Variants in PIR observed in about 807,000 individuals in gnomAD.
The protein encoded by PIR is pirin (iron-binding nuclear protein).
In PIR, 22 loss-of-function variants were observed where a neutral mutation model predicts 24.2. That is an observed-to-expected ratio of 0.91 (90% confidence interval 0.65 to 1.30). PIR has a LOEUF of 1.30. PIR is among the 50% of genes most tolerant of loss of function. PIR has a pLI of 0.00. For synonymous variants in PIR, 80 were observed against 79.6 expected (o/e 1.00, Z -0.03); for missense variants, 220 against 220.3 (o/e 1.00, Z 0.01).
chrX:15,426,550 C>T (rs1007045183), intron 5 of PIR, among the ~76,000 whole-genome samples: 2 of 112,003 alleles, frequency 1.8e-5, no homozygotes, highest in African/African-American at 3.2e-5. Context: ...ACTTTTATTC[C>T]ATCAAGAGTT....
intron 5 of PIR, among the ~76,000 whole-genome samples, chrX:15,432,951 G>A (rs2147038412): frequency 8.9e-6 from 1 of 112,597 alleles, no homozygotes; most frequent in East Asian, 2.8e-4. Context: ...GAGTGATAAT[G>A]CCATTTATTA....
At chrX:15,387,039 C>T (rs1221236764) in intron 9 of PIR, among the ~76,000 whole-genome samples, 1 of 91,324 alleles carries the variant, frequency 1.1e-5, no homozygotes, top group African/African-American at 4.1e-5. Flanking sequence ...GTGTTCAGTT[C>T]TGGATATTTT....
chrX:15,386,924 G>A (rs1402354791), intron 9 of PIR, among the ~76,000 whole-genome samples: 1 of 109,911 alleles, frequency 9.1e-6, no homozygotes, highest in Admixed American at 9.7e-5. Flanking sequence ...GAAGACTTTG[G>A]CATCAAGGTA....
chrX:15,443,546 A>C (rs1415079933), intron 5 of PIR, among the ~76,000 whole-genome samples: 1 of 111,675 alleles, frequency 9.0e-6, no homozygotes, highest in African/African-American at 3.3e-5. Flanking sequence ...TCATCAATTA[A>C]TTATTTTATT....
chrX:15,464,198 A>C (rs1466351962), intron 3 of PIR: 1 of 113,474 alleles, frequency 8.8e-6, no homozygotes, highest in East Asian at 2.8e-4. Flanking sequence ...AAATGGACTC[A>C]TTTAAATAAA....
intron 5 of PIR, among the ~76,000 whole-genome samples, chrX:15,442,302 A>G (rs1925941777): frequency 9.0e-6 from 1 of 111,271 alleles, no homozygotes; most frequent in Admixed American, 9.6e-5. Flanking sequence ...GACATAAGAC[A>G]CATCGAACTT....
chrX:15,489,846 C>T (rs1337825965), intron 2 of PIR, among the ~76,000 whole-genome samples: 1 of 111,568 alleles, frequency 9.0e-6, no homozygotes, highest in Non-Finnish European at 1.9e-5. Context: ...TGCATGATCT[C>T]ACTCATATGC....
chrX:15,389,774 C>A (rs1172589080), intron 9 of PIR, among the ~76,000 whole-genome samples: 1 of 110,946 alleles, frequency 9.0e-6, no homozygotes, highest in Non-Finnish European at 1.9e-5. Flanking sequence ...CTAAGAGTTT[C>A]ATATTTTTTA....
In PIR at chrX:15,456,440, A is replaced by G. The variant is rs779647037; in HGVS notation, c.274-386T>C. ...GATTGGGCAGGGGGAGAAGCTCCCC[A>G]GCAATGCAGTTACTACAGAGGCTTT... On this transcript the variant is annotated intron_variant, in intron 4 of 9. Coordinates refer to ENST00000380420, the MANE Select transcript of PIR (RefSeq NM_001018109.3). 4.4e-5 allele frequency among the ~76,000 whole-genome samples: 5 copies of G among 112,729 alleles called. No individual in the cohort carries two copies. The South Asian group carries it at 1.8e-3, about 41-fold the overall frequency.
At chrX:15,470,867 T>C (rs1388845562) in intron 3 of PIR, among the ~76,000 whole-genome samples, 1 of 111,677 alleles carries the variant, frequency 9.0e-6, no homozygotes, top group African/African-American at 3.3e-5. Flanking sequence ...CCTCCAAAAG[T>C]GCTGGGATTA....
At chrX:15,385,173 T>C (rs1266822258) in intron 9 of PIR, 57 bp from the exon 10 acceptor site, 3 of 555,317 alleles carry the variant, frequency 5.4e-6, no homozygotes, top group Non-Finnish European at 9.1e-6. Flanking sequence ...CCTCTACCAC[T>C]AGAAATGATA....
chrX:15,462,562 C>A (rs778844698), intron 3 of PIR, among the ~76,000 whole-genome samples: 1 of 112,421 alleles, frequency 8.9e-6, no homozygotes, highest in African/African-American at 3.2e-5. Context: ...CAAAATTGTT[C>A]TTTCCTCCTC....
intron 3 of PIR, among the ~76,000 whole-genome samples, chrX:15,471,508 C>T (rs760856593): frequency 1.8e-5 from 2 of 111,708 alleles, no homozygotes; most frequent in Non-Finnish European, 1.9e-5. Flanking sequence ...AATAATGGCC[C>T]AACCTAAAAT....
At chrX:15,446,522 T>C (rs1411481342) in intron 5 of PIR, among the ~76,000 whole-genome samples, 1 of 111,482 alleles carries the variant, frequency 9.0e-6, no homozygotes, top group Non-Finnish European at 1.9e-5. Context: ...AGAAAGTATA[T>C]AAATTTGCGT....
chrX:15,474,398 G>A (rs1003005888), intron 3 of PIR, among the ~76,000 whole-genome samples: 13 of 112,156 alleles, frequency 1.2e-4, no homozygotes, highest in Non-Finnish European at 2.3e-4. Flanking sequence ...GTTATGGTGC[G>A]TCCACAAGGA....
chrX:15,452,828 A>T (rs1011059314), intron 5 of PIR, among the ~76,000 whole-genome samples: 1 of 112,290 alleles, frequency 8.9e-6, no homozygotes, highest in Non-Finnish European at 1.9e-5. Flanking sequence ...ACCCTCAGGT[A>T]ATTCACATGA....
At chrX:15,433,322 A>G (rs1925571729) in intron 5 of PIR, among the ~76,000 whole-genome samples, 1 of 110,196 alleles carries the variant, frequency 9.1e-6, no homozygotes, top group African/African-American at 3.3e-5. Flanking sequence ...ACTGAGAAGG[A>G]GCAAAGAGCA....
intron 9 of PIR, among the ~76,000 whole-genome samples, chrX:15,388,966 T>C (rs1330215297): frequency 8.9e-6 from 1 of 112,183 alleles, no homozygotes; most frequent in Admixed American, 9.5e-5. Flanking sequence ...GCATACCTAG[T>C]GTCCCTGTGT....
At chrX:15,454,722 G>A (rs1285587216) in intron 5 of PIR, among the ~76,000 whole-genome samples, 5 of 111,530 alleles carry the variant, frequency 4.5e-5, no homozygotes, top group Non-Finnish European at 9.4e-5. Flanking sequence ...TGGGAGAATG[G>A]CAGAGTAACT....
Sources: allele counts gnomAD v4.1 joint callset (sites outside exome capture counted in the v4.1 genomes callset), GRCh38; gene constraint gnomAD v4.1.1; transcripts MANE v1.5; gene names NCBI Gene and HGNC (gene_info 2026-07-23, HGNC 2026-07-21).